The following SLC66A2 variants were observed in gnomAD, a reference collection of about 807,000 sequenced individuals.
SLC66A2 encodes the protein PQ loop repeat containing 1.
SLC66A2 carries 23 observed loss-of-function variants against 25.5 expected under a neutral mutation model. That is an observed-to-expected ratio of 0.90 (90% CI 0.65 to 1.28). The LOEUF (loss-of-function observed/expected upper bound fraction) is 1.28. Among genes scored for constraint, SLC66A2 ranks in the 50% most tolerant of loss-of-function variants. SLC66A2 has a pLI of 0.00. For missense variants in SLC66A2, 396 were observed against 373.1 expected (o/e 1.06, Z -0.51); for synonymous variants, 193 against 166.5 (o/e 1.16, Z -1.23).
chr18:79,924,340 C>T (rs1985663253), intron 4 of SLC66A2, among the ~76,000 whole-genome samples: 1 of 152,196 alleles, frequency 6.6e-6, no homozygotes, highest in African/African-American at 2.4e-5. Context: ...ACGGGAACCA[C>T]ACACTAATGA....
rs900426749 is a variant in SLC66A2 at position 79,940,022 on chromosome 18, C to T, written c.337+3307G>A. 3.9e-5 allele frequency among the ~76,000 whole-genome samples: 6 copies of T among 152,262 alleles called. No individual in the cohort carries two copies. Among genetic ancestry groups the T allele is most frequent in the Non-Finnish European group, 5.9e-5 (4 of 68,032 alleles). ...TCTTCTGGATGAAGCAAATGTGGTACGTATACACCACGGAACACTATGCAG... is the reference window on the plus strand; with the variant it reads ...TCTTCTGGATGAAGCAAATGTGGTATGTATACACCACGGAACACTATGCAG... On this transcript the variant is annotated intron_variant, in intron 3 of 5. Transcript: ENST00000397778. This position sits in a 1 kb window ranked among gnomAD's most constrained non-coding sequence, Gnocchi z 4.1.
intron 2 of SLC66A2, among the ~76,000 whole-genome samples, chr18:79,948,028 T>A (rs909392022): frequency 2.0e-5 from 3 of 152,206 alleles, no homozygotes; most frequent in Non-Finnish European, 4.4e-5. Flanking sequence ...TCTCCCCGCT[T>A]TCATCCCACC....
In SLC66A2 at chr18:79,904,325, C is replaced by A. The variant is rs573403581; in HGVS notation, c.609-142G>T. On this transcript the variant is annotated intron_variant, in intron 5 of 5. Transcript: ENST00000397778. The surrounding 1 kb of genome is among the most constrained non-coding windows in gnomAD (Gnocchi z 6.3). The stretch of plus-strand genomic sequence containing the variant: ...GCTAAGGGGACCCCCAGGCAGTCGG[C>A]GGGGAGGCCTGGGGCTCAGGGGGCA... 4.1e-6 allele frequency: 3 copies of A among 730,934 alleles called. No homozygotes were observed. Among genetic ancestry groups the A allele is most frequent in the Non-Finnish European group, 7.0e-6 (3 of 428,712 alleles). 45.3% of individuals were successfully genotyped at this position (730,934 alleles called of 1,614,324 possible).
At position 79,903,982 on chromosome 18, in the gene SLC66A2, G is replaced by T. The variant is rs945638745; in HGVS notation, c.810C>A (p.Ala270=). 1 of 1,600,902 alleles carries T rather than the reference G, an allele frequency of 6.2e-7. No individual in the cohort carries two copies. The highest frequency in any genetic ancestry group is 8.5e-7 in the Non-Finnish European group (1 of 1,175,314). Residue 270 remains alanine (A), a synonymous_variant, in exon 6 of 6, where the codon GCC becomes GCA. Coordinates refer to ENST00000397778, the MANE Select transcript of SLC66A2 (RefSeq NM_025078.5). The part of the protein sequence containing the change: ...PHAVHPTGTK[A]L The stretch of plus-strand genomic sequence containing the variant: ...ATCCTCGTCCTCCCCACTGTCAGAG[G>T]GCCTTGGTGCCAGTGGGGTGCACGG...
intron 4 of SLC66A2, among the ~76,000 whole-genome samples, chr18:79,928,789 C>A (rs1986264241): frequency 6.6e-6 from 1 of 152,110 alleles, no homozygotes; most frequent in Non-Finnish European, 1.5e-5. Flanking sequence ...TCTGCCCAGG[C>A]TCCCTTCCTC....
intron 4 of SLC66A2, among the ~76,000 whole-genome samples, chr18:79,921,755 GA>G (rs549180546): frequency 5.2e-5 from 3 of 57,410 alleles, no homozygotes; most frequent in African/African-American, 4.7e-5. Flanking sequence ...AGGGTCAGAG[GA>G]GGAGAGACAG....
In SLC66A2 at chr18:79,918,418, C is replaced by CT. The variant is rs1453837371; in HGVS notation, c.608+765_608+766insA. ...GGGCGGATCCCCAGTGAGGAGCGGG[C>CT]CCGGGGGGGGGTCCCCAGTGAGGAG... On this transcript the variant is annotated intron_variant, in intron 5 of 5. Coordinates refer to ENST00000397778, the MANE Select transcript of SLC66A2 (RefSeq NM_025078.5). This position sits in a 1 kb window ranked among gnomAD's most constrained non-coding sequence, Gnocchi z 4.0. 1.2e-5 allele frequency among the ~76,000 whole-genome samples: 1 copy of CT among 82,472 alleles called. No individual in the cohort carries two copies. The highest frequency in any genetic ancestry group is 3.4e-5 in the Non-Finnish European group (1 of 29,398). 54.1% of individuals were successfully genotyped at this position (82,472 alleles called of 152,430 possible).
At chr18:79,943,728 C>G in intron 2 of SLC66A2, 1 of 405,932 alleles carries the variant, frequency 2.5e-6, no homozygotes, top group Non-Finnish European at 4.5e-6. Context: ...AGGAAAGATC[C>G]TGTGTCAGGA....
chr18:79,906,583 ATACT>A (rs1004773211), intron 5 of SLC66A2, among the ~76,000 whole-genome samples: 3 of 152,230 alleles, frequency 2.0e-5, no homozygotes, highest in African/African-American at 7.2e-5. Flanking sequence ...TTCATAGAAA[ATACT>A]TTGCACAATT....
chr18:79,911,986 G>A (rs890949163), intron 5 of SLC66A2, among the ~76,000 whole-genome samples: 114 of 125,738 alleles, frequency 9.1e-4, no homozygotes, highest in African/African-American at 2.6e-3. Context: ...GTGAGGAGAC[G>A]GGAGCAGAGG....
intron 5 of SLC66A2, among the ~76,000 whole-genome samples, chr18:79,912,721 C>A (rs1983424547): frequency 6.6e-6 from 1 of 152,140 alleles, no homozygotes; most frequent in Non-Finnish European, 1.5e-5. Flanking sequence ...GGCTTGGCAG[C>A]CCCGTGAGTA....
intron 4 of SLC66A2, among the ~76,000 whole-genome samples, chr18:79,922,476 T>G (rs768984768): frequency 1.3e-5 from 2 of 152,052 alleles, no homozygotes; most frequent in Non-Finnish European, 2.9e-5. Context: ...ATTCTGGGGA[T>G]TCAACGAGTT....
Position 79,906,489 on chromosome 18 carries a change from T to A in SLC66A2, c.609-2306A>T, listed in dbSNP as rs1401701840. On this transcript the variant is annotated intron_variant, in intron 5 of 5. Coordinates refer to ENST00000397778, the MANE Select transcript of SLC66A2 (RefSeq NM_025078.5). ...TTGCAATATCCTCTTTAACAGATTG[T>A]TTAAAGGTGTGTTGTTTAGCTTCTA... is the stretch of plus-strand genomic sequence containing the variant. Among the ~76,000 whole-genome samples, 4 of 152,376 alleles carry A rather than the reference T, an allele frequency of 2.6e-5. No homozygotes were observed. The East Asian group carries it at 7.7e-4, about 29-fold the overall frequency.
At chr18:79,919,071 G>A (rs1984646116) in intron 5 of SLC66A2, 113 bp downstream of exon 5, 2 of 962,126 alleles carry the variant, frequency 2.1e-6, no homozygotes, top group Non-Finnish European at 3.1e-6. Flanking sequence ...CAGCTTCACA[G>A]GTCAACGTGG....
chr18:79,932,673 A>T (rs1986690620), intron 4 of SLC66A2, among the ~76,000 whole-genome samples: 1 of 152,192 alleles, frequency 6.6e-6, no homozygotes, highest in Admixed American at 6.5e-5. Flanking sequence ...ATTATAAGGG[A>T]ATACTAAGAA....
chr18:79,912,286 G>T (rs778080904), intron 5 of SLC66A2, among the ~76,000 whole-genome samples: 1 of 152,154 alleles, frequency 6.6e-6, no homozygotes, highest in East Asian at 1.9e-4. Context: ...ATAAAAACTC[G>T]TTCATGAGTG....
chr18:79,928,124 C>T (rs55642704), intron 4 of SLC66A2, among the ~76,000 whole-genome samples: 52,403 of 152,202 alleles, frequency 0.34, 10,449 homozygotes, highest in East Asian at 0.48. Context: ...CCAGCCTGAA[C>T]GGCTTCTGCC....
In SLC66A2 at chr18:79,903,829, C is replaced by A; in HGVS notation, c.*147G>T. 7.8e-6 allele frequency: 5 copies of A among 644,114 alleles called. No homozygotes were observed. The highest frequency in any genetic ancestry group is 3.2e-5 in the Admixed American group (1 of 31,176). 39.9% of individuals were successfully genotyped at this position (644,114 alleles called of 1,614,324 possible). A position where few individuals can be genotyped will look rare whatever the true frequency, so the allele number is the denominator to read the frequency against. On this transcript the variant is annotated 3_prime_UTR_variant, in exon 6 of 6. Coordinates refer to ENST00000397778, the MANE Select transcript of SLC66A2 (RefSeq NM_025078.5). ...CCCACCCCCACTGCCCACCCTGAGA[C>A]ACCCCACAGAGGCTGATGGAGACCC... is the stretch of plus-strand genomic sequence containing the variant.
chr18:79,912,565 T>G (rs1016376921), intron 5 of SLC66A2, among the ~76,000 whole-genome samples: 3 of 152,052 alleles, frequency 2.0e-5, no homozygotes, highest in Non-Finnish European at 4.4e-5. Context: ...ACTGATGTGA[T>G]GTGTCCTGAA....
Sources: allele counts gnomAD v4.1 joint callset (sites outside exome capture counted in the v4.1 genomes callset), GRCh38; gene constraint gnomAD v4.1.1; non-coding constraint Gnocchi (gnomAD v3.1); transcripts MANE v1.5; gene names NCBI Gene and HGNC (gene_info 2026-07-23, HGNC 2026-07-21).